The following HNF4G variants were observed in gnomAD, a reference collection of about 807,000 sequenced individuals.
The protein encoded by HNF4G is hepatocyte nuclear factor 4 gamma.
HNF4G carries 21 observed loss-of-function variants against 50.9 expected under a neutral mutation model. That is an observed-to-expected ratio of 0.41 (90% CI 0.29 to 0.59). The LOEUF (loss-of-function observed/expected upper bound fraction) is 0.59, where lower values mean the gene tolerates loss of function less well. Ranked by LOEUF, HNF4G falls within the 20% of genes least tolerant of loss-of-function variation. The pLI is 0.26. For missense variants in HNF4G, 527 were observed against 559.4 expected, an observed-to-expected ratio of 0.94 and a Z score of 0.58; for synonymous variants, 198 against 185.6, an observed-to-expected ratio of 1.07 and a Z score of -0.54.
At chr8:75,410,620 A>G (rs1810477620) in intron 1 of HNF4G, among the ~76,000 whole-genome samples, 1 of 152,164 alleles carries the variant, frequency 6.6e-6, no homozygotes, top group Non-Finnish European at 1.5e-5. Context: ...TTGCAATAAC[A>G]ACATGTTGCA....
chr8:75,420,350 A>G (rs1453141768), intron 1 of HNF4G, among the ~76,000 whole-genome samples: 2 of 152,242 alleles, frequency 1.3e-5, no homozygotes, highest in Non-Finnish European at 2.9e-5. Context: ...AGAATATGTT[A>G]TCTTCCTGCT....
chr8:75,516,639 C>T (rs1448180047), intron 2 of HNF4G, among the ~76,000 whole-genome samples: 1 of 152,040 alleles, frequency 6.6e-6, no homozygotes, highest in Non-Finnish European at 1.5e-5. Flanking sequence ...CTCGTTCTAT[C>T]AGTTACTGAG....
chr8:75,522,627 T>C (rs528524286), intron 2 of HNF4G, among the ~76,000 whole-genome samples: 24 of 152,310 alleles, frequency 1.6e-4, no homozygotes, highest in African/African-American at 5.5e-4. Context: ...ATTCTTGGCC[T>C]GTAGTCACTA....
chr8:75,455,695 A>T (rs1369526394), intron 1 of HNF4G, among the ~76,000 whole-genome samples: 2 of 152,196 alleles, frequency 1.3e-5, no homozygotes, highest in Non-Finnish European at 2.9e-5. Context: ...AGTAAAATAT[A>T]ATAACTCTTA....
intron 1 of HNF4G, among the ~76,000 whole-genome samples, chr8:75,456,236 G>C (rs576971081): frequency 6.6e-6 from 1 of 151,950 alleles, no homozygotes; most frequent in Non-Finnish European, 1.5e-5. Context: ...TTTATATTAT[G>C]AATGAAGAAA....
intron 1 of HNF4G, among the ~76,000 whole-genome samples, chr8:75,431,666 G>A (rs542878505): frequency 1.9e-4 from 29 of 152,142 alleles, no homozygotes; most frequent in African/African-American, 6.3e-4. Flanking sequence ...AGTGGCTCAC[G>A]CCTGTAATCC....
intron 1 of HNF4G, among the ~76,000 whole-genome samples, chr8:75,449,325 AAAC>A (rs1357199670): frequency 1.3e-4 from 20 of 152,196 alleles, no homozygotes; most frequent in African/African-American, 4.8e-4. Flanking sequence ...AAGCAGCTAT[AAAC>A]AACACATAAA....
intron 1 of HNF4G, among the ~76,000 whole-genome samples, chr8:75,480,888 T>C (rs1472232362): frequency 6.6e-6 from 1 of 152,062 alleles, no homozygotes; most frequent in Non-Finnish European, 1.5e-5. Context: ...TTTTTGTATT[T>C]TTTATTTTAG....
At chr8:75,456,255 AAAG>A (rs1421827667) in intron 1 of HNF4G, among the ~76,000 whole-genome samples, 3 of 152,150 alleles carry the variant, frequency 2.0e-5, no homozygotes, top group African/African-American at 7.2e-5. Context: ...AACAAACAGA[AAAG>A]AAGAGAATGA....
chr8:75,504,252 C>G (rs900599612), intron 2 of HNF4G, among the ~76,000 whole-genome samples: 4 of 149,112 alleles, frequency 2.7e-5, no homozygotes, highest in Admixed American at 1.3e-4. Context: ...CACACACACA[C>G]ACACACACAC....
At chr8:75,458,882 A>G (rs1049071439) in intron 1 of HNF4G, among the ~76,000 whole-genome samples, 1 of 152,140 alleles carries the variant, frequency 6.6e-6, no homozygotes. Context: ...CTGCTATTTA[A>G]TGGATATGAT....
rs1807425232 is a variant in HNF4G, at chr8:75,565,132, CGAGT to C, written c.*1040_*1043del. On this transcript the variant is annotated 3_prime_UTR_variant, in exon 10 of 10. Coordinates refer to ENST00000396423, the MANE Select transcript of HNF4G (RefSeq NM_004133.5). ...ACATAACCAAAGTTCACAAACATAACGAGTGAGAGAAACACATTCAAGCCCAGGT... is the reference window on the plus strand; with the variant it reads ...ACATAACCAAAGTTCACAAACATAACGAGAGAAACACATTCAAGCCCAGGT... The C allele has an allele frequency of 6.6e-6, 1 of 152,088 alleles. No homozygotes were observed. The highest frequency in any genetic ancestry group is 1.5e-5 in the Non-Finnish European group (1 of 68,006). 9.4% of individuals were successfully genotyped at this position (152,088 alleles called of 1,614,324 possible).
intron 2 of HNF4G, among the ~76,000 whole-genome samples, chr8:75,490,498 CT>C (rs1180541290): frequency 6.6e-6 from 1 of 152,068 alleles, no homozygotes; most frequent in Non-Finnish European, 1.5e-5. Context: ...CGTTTGGAGC[CT>C]GGCACTGGGC....
At chr8:75,472,821 C>T (rs964232596) in intron 1 of HNF4G, among the ~76,000 whole-genome samples, 2 of 151,912 alleles carry the variant, frequency 1.3e-5, no homozygotes, top group Admixed American at 6.6e-5. Context: ...ATTCCCAGTG[C>T]GTAGAGAAGT....
At chr8:75,414,596 C>G (rs1474863668) in intron 1 of HNF4G, among the ~76,000 whole-genome samples, 1 of 152,092 alleles carries the variant, frequency 6.6e-6, no homozygotes, top group East Asian at 1.9e-4. Context: ...CTTTCTGGAC[C>G]TGTAAATTCA....
At chr8:75,466,452 T>A (rs1205105082) in intron 1 of HNF4G, among the ~76,000 whole-genome samples, 1 of 152,078 alleles carries the variant, frequency 6.6e-6, no homozygotes, top group Non-Finnish European at 1.5e-5. Flanking sequence ...CTTTCTTGAT[T>A]TTGCTTGACT....
intron 1 of HNF4G, among the ~76,000 whole-genome samples, chr8:75,414,634 T>C (rs371722667): frequency 2.0e-5 from 3 of 152,220 alleles, no homozygotes; most frequent in African/African-American, 4.8e-5. Flanking sequence ...TTTATATCCA[T>C]GGGGTCACGC....
chr8:75,409,521 C>T (rs1810446749), intron 1 of HNF4G, among the ~76,000 whole-genome samples: 1 of 111,304 alleles, frequency 9.0e-6, no homozygotes, highest in South Asian at 3.1e-4. Flanking sequence ...TGAAGTCTTG[C>T]TCTGTCACCC....
chr8:75,506,358 T>G (rs1228552846), intron 2 of HNF4G, among the ~76,000 whole-genome samples: 1 of 152,118 alleles, frequency 6.6e-6, no homozygotes, highest in Non-Finnish European at 1.5e-5. Context: ...AATACTAGAT[T>G]TAATAAGCAG....
Sources: gnomAD v4.1 joint callset for allele counts (sites outside exome capture counted in the v4.1 genomes callset) on GRCh38, gnomAD v4.1.1 for gene constraint, MANE v1.5 for transcripts, NCBI Gene and HGNC (gene_info 2026-07-23, HGNC 2026-07-21) for gene names.